Variants in DAB1 observed in about 807,000 individuals in gnomAD.
The protein encoded by DAB1 is DAB adaptor protein 1.
DAB1 carries 15 observed loss-of-function variants against 64.6 expected under a neutral mutation model. The ratio of observed to expected loss-of-function variants is 0.23; its 90% CI spans 0.16 to 0.36. The LOEUF (loss-of-function observed/expected upper bound fraction) is 0.36, where lower values mean the gene tolerates loss of function less well. Among genes scored for constraint, DAB1 ranks in the 10% least tolerant of loss-of-function variants. The pLI, the probability that DAB1 is intolerant of heterozygous loss-of-function variation, is 1.00. For missense variants in DAB1, 596 were observed against 706.7 expected (o/e 0.84, Z 1.78); for synonymous variants, 235 against 251.9 (o/e 0.93, Z 0.64).
At chr1:57,955,810 T>C (rs777424225) in intron 5 of DAB1, among the ~76,000 whole-genome samples, 4 of 151,972 alleles carry the variant, frequency 2.6e-5, no homozygotes, top group Non-Finnish European at 5.9e-5. Flanking sequence ...AAAAATGAGC[T>C]AGAAAAACAA....
At chr1:58,219,820 G>C (rs1295688070) in intron 4 of DAB1, among the ~76,000 whole-genome samples, 1 of 152,220 alleles carries the variant, frequency 6.6e-6, no homozygotes, top group East Asian at 1.9e-4. Flanking sequence ...TTGATTAGCT[G>C]TGCAATCAGG....
chr1:58,500,141 GC>G, intron 3 of DAB1, among the ~76,000 whole-genome samples: 1 of 151,920 alleles, frequency 6.6e-6, no homozygotes. Context: ...TTTTCTAATA[GC>G]CCATTCATTT....
chr1:57,647,331 A>G lies in DAB1; in HGVS notation n.625+2261T>C, dbSNP rs530017108. ...TCAATGATGCACCTTCAAATAAATGATGTGTCTCCATTTCAAAAGCATAGG... is the reference window on the plus strand; with the variant it reads ...TCAATGATGCACCTTCAAATAAATGGTGTGTCTCCATTTCAAAAGCATAGG... On this transcript the variant is annotated intron_variant and non_coding_transcript_variant, in intron 7 of 20. Coordinates refer to the DAB1 transcript ENST00000485760. Among the ~76,000 whole-genome samples, 8 of 152,276 alleles carry G rather than the reference A, an allele frequency of 5.3e-5. No individual in the cohort carries two copies. The South Asian group carries it at 1.7e-3, about 32-fold the overall frequency.
chr1:57,798,501 C>T (rs1650975317), intron 6 of DAB1, among the ~76,000 whole-genome samples: 1 of 152,184 alleles, frequency 6.6e-6, no homozygotes, highest in Non-Finnish European at 1.5e-5. Context: ...CATTTCACAC[C>T]TCCCCCAACT....
At chr1:58,339,297 A>G (rs1448090725) in intron 4 of DAB1, among the ~76,000 whole-genome samples, 1 of 152,202 alleles carries the variant, frequency 6.6e-6, no homozygotes, top group Non-Finnish European at 1.5e-5. Context: ...ATATTTATCA[A>G]ACTTTCTCTA....
chr1:57,252,937 GA>G lies in DAB1; in HGVS notation c.67+38026del, dbSNP rs547831657. On this transcript the variant is annotated intron_variant, in intron 2 of 14. Transcript: ENST00000371236. ...TCAGACAGCCAAGGCCCAGATAGAT[GA>G]ATGGGCTAAATCAAGTCTGATGGGA... 1.1e-4 allele frequency among the ~76,000 whole-genome samples: 16 copies of G among 152,308 alleles called. No homozygotes were observed. The South Asian group carries it at 3.3e-3, about 32-fold the overall frequency.
chr1:58,352,897 G>A (rs1644072154), intron 3 of DAB1, among the ~76,000 whole-genome samples: 1 of 152,246 alleles, frequency 6.6e-6, no homozygotes, highest in Non-Finnish European at 1.5e-5. Flanking sequence ...GAACCAGGAA[G>A]TTGGCCTTCA....
At chr1:57,122,479 A>T (rs571517371) in intron 4 of DAB1, among the ~76,000 whole-genome samples, 112 of 152,322 alleles carry the variant, frequency 7.4e-4, no homozygotes, top group Non-Finnish European at 1.4e-3. Context: ...AAATAAAGGC[A>T]AAGGCAGATT....
chr1:57,487,244 A>G (rs1644103961), intron 7 of DAB1, among the ~76,000 whole-genome samples: 1 of 152,224 alleles, frequency 6.6e-6, no homozygotes, highest in African/African-American at 2.4e-5. Context: ...TACCCACTGG[A>G]GGCCCACAGT....
At chr1:58,324,034 C>T (rs1662764046) in intron 4 of DAB1, among the ~76,000 whole-genome samples, 1 of 151,956 alleles carries the variant, frequency 6.6e-6, no homozygotes, top group South Asian at 2.1e-4. Flanking sequence ...TCTTATGTCT[C>T]ACTGGTGGTA....
At chr1:58,272,870 T>G (rs1661343892) in intron 4 of DAB1, among the ~76,000 whole-genome samples, 1 of 131,716 alleles carries the variant, frequency 7.6e-6, no homozygotes, top group Non-Finnish European at 1.6e-5. Flanking sequence ...TGGTAGATCT[T>G]CCTCCATCCT....
chr1:58,323,040 T>C (rs1662724706), intron 4 of DAB1, among the ~76,000 whole-genome samples: 1 of 142,140 alleles, frequency 7.0e-6, no homozygotes, highest in South Asian at 2.2e-4. Flanking sequence ...AACAGAATAA[T>C]GAGAACACTT....
At chr1:57,388,567 C>T (rs1682081085) in intron 1 of DAB1, among the ~76,000 whole-genome samples, 1 of 152,156 alleles carries the variant, frequency 6.6e-6, no homozygotes, top group Admixed American at 6.6e-5. Flanking sequence ...TCTCCTGGGC[C>T]TCTCCACCTT....
intron 7 of DAB1, among the ~76,000 whole-genome samples, chr1:57,496,554 CA>C (rs1644232991): frequency 6.6e-6 from 1 of 152,158 alleles, no homozygotes; most frequent in African/African-American, 2.4e-5. Flanking sequence ...CCAATCCTGA[CA>C]GGAGGCTCTC....
At chr1:58,406,717 CCCCA>C (rs67411215) in intron 3 of DAB1, among the ~76,000 whole-genome samples, 54,728 of 137,510 alleles carry the variant, frequency 0.4, 10,309 homozygotes, top group African/African-American at 0.5. Flanking sequence ...CATCCCCCCC[CCCCA>C]ACTGCCACCA....
In DAB1 at chr1:58,439,141, C is replaced by T. The variant is rs542982920; in HGVS notation, n.257+66919G>A. On this transcript the variant is annotated intron_variant and non_coding_transcript_variant, in intron 3 of 20. Coordinates refer to the DAB1 transcript ENST00000485760. ...ACCAAACTTTTCAATATTTCTCAAA[C>T]TGTCCTTTCACTACCCAGTTATCAT... Among the ~76,000 whole-genome samples, 21 of 127,576 alleles carry T rather than the reference C, an allele frequency of 1.6e-4. 1 individual carries two copies. The South Asian group carries it at 5.4e-3, about 33-fold the overall frequency. The allele number at this position is 127,576 out of a possible 152,430, so 83.7% of individuals were successfully genotyped here.
chr1:57,972,488 C>T (rs1333989993), intron 5 of DAB1, among the ~76,000 whole-genome samples: 1 of 152,180 alleles, frequency 6.6e-6, no homozygotes. Flanking sequence ...AGTGGCCCTC[C>T]CACCTCAGCC....
At chr1:57,773,450 A>G (rs1649655179) in intron 6 of DAB1, among the ~76,000 whole-genome samples, 1 of 151,926 alleles carries the variant, frequency 6.6e-6, no homozygotes. Context: ...TTCCAAGTCT[A>G]TGGCTTGTCT....
chr1:57,610,178 C>T (rs1645709096), intron 7 of DAB1, among the ~76,000 whole-genome samples: 2 of 152,168 alleles, frequency 1.3e-5, no homozygotes, highest in Admixed American at 1.3e-4. Flanking sequence ...TCTGAGCACA[C>T]AGTAGGCTTG....
Sources: allele counts gnomAD v4.1 joint callset (sites outside exome capture counted in the v4.1 genomes callset), GRCh38; gene constraint gnomAD v4.1.1; transcripts MANE v1.5; gene names NCBI Gene and HGNC (gene_info 2026-07-23, HGNC 2026-07-21).